FAF1: variants seen among roughly 807,000 people sequenced by gnomAD.
The protein encoded by FAF1 is Fas associated factor 1.
Under a neutral mutation model 92.5 loss-of-function variants are expected in FAF1, and 25 were observed. The ratio of observed to expected loss-of-function variants is 0.27; its 90% CI spans 0.20 to 0.38. The LOEUF (loss-of-function observed/expected upper bound fraction) is 0.38. Among genes scored for constraint, FAF1 ranks in the 10% least tolerant of loss-of-function variants. The pLI is 1.00. For synonymous variants in FAF1, 234 were observed against 273.2 expected (o/e 0.86, Z 1.42); for missense variants, 636 against 793.3 (o/e 0.80, Z 2.38).
At chr1:50,859,023 C>T (rs1644412109) in intron 1 of FAF1, among the ~76,000 whole-genome samples, 1 of 151,828 alleles carries the variant, frequency 6.6e-6, no homozygotes, top group Non-Finnish European at 1.5e-5. Context: ...AAAGCAAAAA[C>T]CACACAATCA....
At chr1:50,786,383 T>A (rs1661365681) in intron 4 of FAF1, among the ~76,000 whole-genome samples, 1 of 152,216 alleles carries the variant, frequency 6.6e-6, no homozygotes, top group South Asian at 2.1e-4. Flanking sequence ...TTATTCCACT[T>A]CTATGAGGTA....
chr1:50,798,886 C>A (rs1007136941), intron 3 of FAF1, among the ~76,000 whole-genome samples: 1 of 152,050 alleles, frequency 6.6e-6, no homozygotes, highest in East Asian at 1.9e-4. Flanking sequence ...TTTTTCTGTT[C>A]GTGTTTTTTT....
At chr1:50,456,712 T>G (rs114051633) in intron 18 of FAF1, among the ~76,000 whole-genome samples, 485 of 152,330 alleles carry the variant, frequency 3.2e-3, no homozygotes, top group South Asian at 6.6e-3. Flanking sequence ...CAAGACACTA[T>G]TTCTGCTCTC....
At chr1:50,480,063 A>C (rs1646683171) in intron 17 of FAF1, among the ~76,000 whole-genome samples, 1 of 152,244 alleles carries the variant, frequency 6.6e-6, no homozygotes. Flanking sequence ...GATTTGCTCA[A>C]CAAATATAGT....
At chr1:50,919,334 G>A (rs1570140025) in intron 1 of FAF1, among the ~76,000 whole-genome samples, 1 of 151,608 alleles carries the variant, frequency 6.6e-6, no homozygotes, top group South Asian at 2.1e-4. Context: ...AAGAGCATCA[G>A]AAATAGTAAA....
intron 1 of FAF1, among the ~76,000 whole-genome samples, chr1:50,943,205 A>G (rs1427701938): frequency 1.3e-5 from 2 of 152,280 alleles, no homozygotes; most frequent in South Asian, 2.1e-4. Flanking sequence ...AAATCTGATC[A>G]ATTGGTATCA....
At chr1:50,803,355 C>T (rs182663839) in intron 2 of FAF1, among the ~76,000 whole-genome samples, 36 of 152,272 alleles carry the variant, frequency 2.4e-4, no homozygotes, top group African/African-American at 7.9e-4. Flanking sequence ...ATACTAAGGA[C>T]TCAGAAAGTC....
chr1:50,608,688 G>T (rs17106319), intron 8 of FAF1, among the ~76,000 whole-genome samples: 1,541 of 152,244 alleles, frequency 0.01, 41 homozygotes, highest in East Asian at 0.014. Flanking sequence ...CACTGACAAC[G>T]AAGTATCTGG....
chr1:50,508,134 T>C (rs1289269767), intron 15 of FAF1, among the ~76,000 whole-genome samples: 2 of 152,236 alleles, frequency 1.3e-5, no homozygotes, highest in Non-Finnish European at 2.9e-5. Context: ...CATTGCTGGC[T>C]GGAATGTAAA....
chr1:50,534,373 C>T (rs1303730848), intron 15 of FAF1, among the ~76,000 whole-genome samples: 2 of 152,222 alleles, frequency 1.3e-5, no homozygotes, highest in African/African-American at 4.8e-5. Flanking sequence ...CTCCACCTCC[C>T]AGGTTCAAGC....
intron 9 of FAF1, among the ~76,000 whole-genome samples, chr1:50,585,774 A>G (rs1355981141): frequency 2.0e-5 from 3 of 151,864 alleles, no homozygotes; most frequent in African/African-American, 7.2e-5. Flanking sequence ...CAGTCTATGT[A>G]GAATAACCTA....
intron 7 of FAF1, among the ~76,000 whole-genome samples, chr1:50,677,539 T>A (rs937412664): frequency 4.6e-5 from 7 of 152,196 alleles, no homozygotes; most frequent in Non-Finnish European, 8.8e-5. Context: ...TTGTTATACT[T>A]CTGAATGTCA....
At chr1:50,519,592 G>A (rs1253542103) in intron 15 of FAF1, among the ~76,000 whole-genome samples, 3 of 152,186 alleles carry the variant, frequency 2.0e-5, no homozygotes, top group Non-Finnish European at 4.4e-5. Flanking sequence ...TGTGGTTTAT[G>A]CTAAAAATAC....
intron 8 of FAF1, among the ~76,000 whole-genome samples, chr1:50,617,629 G>T (rs1476658490): frequency 6.7e-6 from 1 of 150,148 alleles, no homozygotes; most frequent in Non-Finnish European, 1.5e-5. Flanking sequence ...GTCTCTGCCA[G>T]ATTATAGTAT....
chr1:50,857,355 A>T (rs1644398165), intron 2 of FAF1, among the ~76,000 whole-genome samples: 1 of 151,746 alleles, frequency 6.6e-6, no homozygotes, highest in Non-Finnish European at 1.5e-5. Context: ...CATCTGTGTC[A>T]TCCTGACACA....
At chr1:50,534,878 A>G (rs970567383) in intron 15 of FAF1, among the ~76,000 whole-genome samples, 3 of 152,218 alleles carry the variant, frequency 2.0e-5, no homozygotes, top group Non-Finnish European at 2.9e-5. Context: ...GAGGTTGAGA[A>G]AACACCTGAA....
chr1:50,562,967 A>C (rs1371898051), intron 13 of FAF1, among the ~76,000 whole-genome samples: 1 of 152,200 alleles, frequency 6.6e-6, no homozygotes, highest in Non-Finnish European at 1.5e-5. Context: ...CATTTTACCT[A>C]AACAATACAG....
chr1:50,661,003 T>G (rs1655346640), intron 7 of FAF1, among the ~76,000 whole-genome samples: 2 of 151,840 alleles, frequency 1.3e-5, no homozygotes, highest in Admixed American at 1.3e-4. Flanking sequence ...GACAAGGAAG[T>G]AATGAGAGAA....
intron 2 of FAF1, among the ~76,000 whole-genome samples, chr1:50,843,543 C>T (rs1644273510): frequency 6.6e-6 from 1 of 152,024 alleles, no homozygotes; most frequent in Non-Finnish European, 1.5e-5. Context: ...CGCTCCCTAC[C>T]ACCCTTCCAG....
Sources: allele counts gnomAD v4.1 joint callset (sites outside exome capture counted in the v4.1 genomes callset), GRCh38; gene constraint gnomAD v4.1.1; transcripts MANE v1.5; gene names NCBI Gene and HGNC (gene_info 2026-07-23, HGNC 2026-07-21).